HELZ2: variants seen among roughly 807,000 people sequenced by gnomAD.
HELZ2 encodes 3'-5' exoribonuclease HELZ2.
Under a neutral mutation model 208.8 loss-of-function variants are expected in HELZ2, and 143 were observed. The observed-to-expected ratio is 0.68, with a 90% confidence interval of 0.60 to 0.79. HELZ2 has a LOEUF of 0.79. Among genes scored for constraint, HELZ2 ranks in the 30% least tolerant of loss-of-function variants. The pLI is 0.00. For synonymous variants in HELZ2, 1,705 were observed against 1,693.7 expected (o/e 1.01, Z -0.16); for missense variants, 3,690 against 3,794.5 (o/e 0.97, Z 0.72).
chr20:63,561,593 A>G lies in HELZ2; in HGVS notation c.6836+8T>C, dbSNP rs1257026574. 1.9e-6 allele frequency: 3 copies of G among 1,598,026 alleles called. No homozygotes were observed. Among genetic ancestry groups the G allele is most frequent in the Non-Finnish European group, 2.6e-6 (3 of 1,171,916 alleles). ...ACTCCGCCCAAGCCCCAAAGACAGCAGGCACACCTGAGGCTCTGGTTCGGC... is the reference window on the plus strand; with the variant it reads ...ACTCCGCCCAAGCCCCAAAGACAGCGGGCACACCTGAGGCTCTGGTTCGGC... On this transcript the variant is annotated splice_region_variant and intron_variant, in intron 12 of 18. Coordinates refer to ENST00000467148, the Ensembl canonical transcript of HELZ2.
exon 8 of HELZ2, chr20:63,564,748 A>G (rs1429397303): frequency 6.2e-7 from 1 of 1,611,910 alleles, no homozygotes; most frequent in Non-Finnish European, 8.5e-7. Flanking sequence ...GGTCTCGGAC[A>G]CTGAGGGCAT....
At chr20:63,562,670 C>A in exon 8 of HELZ2, 1 of 1,598,186 alleles carries the variant, frequency 6.3e-7, no homozygotes, top group African/African-American at 1.3e-5. Flanking sequence ...CTCCTGGTCC[C>A]AGTCCTGCGT....
chr20:63,565,030 G>A, exon 8 of HELZ2: 1 of 1,578,674 alleles, frequency 6.3e-7, no homozygotes, highest in Non-Finnish European at 8.6e-7. Flanking sequence ...GGACCCAGAA[G>A]AGCCGGCTGT....
chr20:63,562,248 G>T, intron 9 of HELZ2, 40 bp downstream of exon 10: 1 of 1,600,972 alleles, frequency 6.2e-7, no homozygotes. Context: ...GGGTGGGGCT[G>T]GGGGCCAGAG....
exon 8 of HELZ2, chr20:63,563,516 C>A: frequency 1.3e-6 from 2 of 1,513,726 alleles, no homozygotes; most frequent in Non-Finnish European, 8.8e-7. Flanking sequence ...GGGGACGGGG[C>A]AGGGGTCAGG....
At chr20:63,564,622 G>A in exon 8 of HELZ2, 2 of 1,568,316 alleles carry the variant, frequency 1.3e-6, no homozygotes, top group Non-Finnish European at 8.6e-7. Context: ...CTGGCTCCCT[G>A]CCGGGGGCAT....
At chr20:63,564,507 G>T in exon 8 of HELZ2, 1 of 1,586,404 alleles carries the variant, frequency 6.3e-7, no homozygotes. Flanking sequence ...CTCTTCAGCT[G>T]GCCACTGGCC....
At chr20:63,569,800 C>T in intron 3 of HELZ2, 135 bp from the exon 5 acceptor site, 1 of 1,007,840 alleles carries the variant, frequency 9.9e-7, no homozygotes, top group Non-Finnish European at 1.4e-6. Context: ...GCAAGCAGGC[C>T]ACCCGGCCTC....
intron 18 of HELZ2, 147 bp downstream of exon 19, chr20:63,559,781 A>C: frequency 2.0e-6 from 1 of 501,626 alleles, no homozygotes; most frequent in Non-Finnish European, 3.4e-6. Context: ...GATGGGAGTC[A>C]GTCAGAGTCA....
Position 63,568,507 on chromosome 20 carries a change from C to T in HELZ2, c.1581G>A (p.Ala527=), listed in dbSNP as rs201934461. 87 of 1,584,136 alleles carry T rather than the reference C, an allele frequency of 5.5e-5. No individual in the cohort carries two copies. In the East Asian group the frequency reaches 1.1e-3, roughly 20 times the overall value. Residue 527 remains alanine, a synonymous_variant, in exon 5 of 19, where the codon GCG becomes GCA. Coordinates refer to ENST00000467148, the Ensembl canonical transcript of HELZ2. ...GCCTCCCATCCCCAGGGCCCCAGCC[C>T]GCGATGAGCGCCACGGCCAGCTCCT... is the stretch of plus-strand genomic sequence containing the variant.
At chr20:63,560,046 C>A (rs765492347) in exon 18 of HELZ2, 4 of 1,610,750 alleles carry the variant, frequency 2.5e-6, no homozygotes, top group Admixed American at 3.3e-5. Flanking sequence ...CCAGGTCGCT[C>A]TTGGCACAGG....
Position 63,566,809 on chromosome 20 carries a change from G to A in HELZ2, c.2514+35C>T, listed in dbSNP as rs976116576. Reference sequence around the variant, plus strand: ...GAGCTCCCCCTCCCCCAGCAGGGGTGCGGTCGGGGGCTGTCCCGGGCTGGC... The same window carrying A: ...GAGCTCCCCCTCCCCCAGCAGGGGTACGGTCGGGGGCTGTCCCGGGCTGGC... On this transcript the variant is annotated intron_variant, in intron 6 of 18. Coordinates refer to ENST00000467148, the Ensembl canonical transcript of HELZ2. 9.7e-6 allele frequency: 15 copies of A among 1,543,784 alleles called. No homozygotes were observed. In the Admixed American group the frequency reaches 1.2e-4, roughly 13 times the overall value.
rs1332304690 is a variant in HELZ2 at position 63,571,083 on chromosome 20, C to G, written c.279-215G>C. 7.5e-5 allele frequency: 39 copies of G among 518,150 alleles called. No individual in the cohort carries two copies. In the East Asian group the frequency reaches 1.2e-3, roughly 16 times the overall value. The allele number at this position is 518,150 out of a possible 1,614,324, so 32.1% of individuals were successfully genotyped here. A position where few individuals can be genotyped will look rare whatever the true frequency, so the allele number is the denominator to read the frequency against. On this transcript the variant is annotated intron_variant, in intron 1 of 18. Transcript: ENST00000467148. ...TCCTCAGAGGCCACATGGCTTTAGC[C>G]CTCAGCAGGTGGCAGGGAGGCCCCC...
chr20:63,570,883 G>A lies in HELZ2; in HGVS notation c.279-15C>T, dbSNP rs780417176. The A allele has an allele frequency of 2.4e-5, 37 of 1,571,432 alleles. No homozygotes were observed. In the South Asian group the frequency reaches 3.9e-4, roughly 17 times the overall value. ...AGAGGTCAGGCCTGGGGGACAGGGAGGTCAGCAGGGCTACACAGAGGCACA... is the reference window on the plus strand; with the variant it reads ...AGAGGTCAGGCCTGGGGGACAGGGAAGTCAGCAGGGCTACACAGAGGCACA... On this transcript the variant is annotated splice_polypyrimidine_tract_variant and intron_variant, in intron 1 of 18. Transcript: ENST00000467148.
At chr20:63,561,890 C>T (rs1480373530) in exon 11 of HELZ2, 14 of 1,577,280 alleles carry the variant, frequency 8.9e-6, no homozygotes, top group Non-Finnish European at 1.2e-5. Flanking sequence ...CCAGCCGCTT[C>T]TCCCCACGGG....
Position 63,562,383 on chromosome 20 carries a change from C to CT in HELZ2, c.6303-2dup, listed in dbSNP as rs762021772. ...TCCACGCACGGCTTCCTCCTTGCGG[C>CT]TGGGGGTGAAGGCAGACACTGGAAA... On this transcript the variant is annotated splice_acceptor_variant, in intron 8 of 18. Transcript: ENST00000467148. LOFTEE classifies it high-confidence loss of function. 6 of 1,580,968 alleles carry CT rather than the reference C, an allele frequency of 3.8e-6. No homozygotes were observed. Among genetic ancestry groups the CT allele is most frequent in the Non-Finnish European group, 5.1e-6 (6 of 1,171,896 alleles).
At chr20:63,560,768 G>A in intron 15 of HELZ2, 27 bp downstream of exon 16, 1 of 1,606,468 alleles carries the variant, frequency 6.2e-7, no homozygotes. Flanking sequence ...CTGCAGGTGG[G>A]CTGGGGGCTG....
At chr20:63,569,764 T>C (rs2083000417) in intron 3 of HELZ2, 99 bp from the exon 5 acceptor site, 1 of 1,264,556 alleles carries the variant, frequency 7.9e-7, no homozygotes, top group Non-Finnish European at 1.1e-6. Context: ...GTTCAGGTCC[T>C]GGCCCTGCCA....
chr20:63,573,131 A>G (rs2083030579), upstream of HELZ2: 1 of 152,146 alleles, frequency 6.6e-6, no homozygotes, highest in African/African-American at 2.4e-5. This position sits in a 1 kb window ranked among gnomAD's most constrained non-coding sequence, Gnocchi z 4.9. Flanking sequence ...CGCCACCTCG[A>G]ACACCAGCTT....
Sources: gnomAD v4.1 joint callset for allele counts on GRCh38, gnomAD v4.1.1 for gene constraint, Gnocchi (gnomAD v3.1) non-coding constraint, MANE v1.5 for transcripts, NCBI Gene and HGNC (gene_info 2026-07-23, HGNC 2026-07-21) for gene names.